The following TRIM69 variants were observed in gnomAD, a reference collection of about 807,000 sequenced individuals.
TRIM69 encodes the protein tripartite motif containing 69, also known as E3 ubiquitin-protein ligase TRIM69.
In TRIM69, 29 loss-of-function variants were observed where a neutral mutation model predicts 37.7. That is an observed-to-expected ratio of 0.77 (90% CI 0.57 to 1.05). TRIM69 has a LOEUF of 1.05. Among genes scored for constraint, TRIM69 ranks in the 50% least tolerant of loss-of-function variants. TRIM69 has a pLI of 0.00. For missense variants in TRIM69, 596 were observed against 579.9 expected (o/e 1.03, Z -0.28); for synonymous variants, 209 against 212.4 (o/e 0.98, Z 0.14).
At chr15:44,743,947 C>T (rs1295691978) in intron 1 of TRIM69, among the ~76,000 whole-genome samples, 1 of 152,128 alleles carries the variant, frequency 6.6e-6, no homozygotes, top group Non-Finnish European at 1.5e-5. Context: ...CCAGCAATCC[C>T]ATTACAGGGT....
intron 1 of TRIM69, among the ~76,000 whole-genome samples, chr15:44,745,753 A>G (rs534443446): frequency 6.6e-6 from 1 of 152,322 alleles, no homozygotes; most frequent in Non-Finnish European, 1.5e-5. Context: ...AAAGCATAAT[A>G]ACTGAAATGA....
At chr15:44,745,314 G>A (rs2087382409) in intron 1 of TRIM69, among the ~76,000 whole-genome samples, 1 of 152,070 alleles carries the variant, frequency 6.6e-6, no homozygotes, top group Non-Finnish European at 1.5e-5. Flanking sequence ...AAGTTCATGG[G>A]ACAGAATTCA....
chr15:44,753,976 A>C (rs2087588969), intron 1 of TRIM69: 1 of 152,208 alleles, frequency 6.6e-6, no homozygotes, highest in African/African-American at 2.4e-5. Flanking sequence ...TCGGCACCCC[A>C]AAGTATTGGG....
chr15:44,753,158 C>T (rs2087570567), intron 1 of TRIM69: 1 of 152,100 alleles, frequency 6.6e-6, no homozygotes, highest in Non-Finnish European at 1.5e-5. Flanking sequence ...ACATGTAGGA[C>T]TCCTTTTAGC....
At chr15:44,758,898 G>C in intron 4 of TRIM69, 44 bp downstream of exon 4, 1 of 1,567,570 alleles carries the variant, frequency 6.4e-7, no homozygotes, top group South Asian at 1.2e-5. Context: ...TTCCTACCTA[G>C]AGGGGGGAAG....
At chr15:44,747,473 A>G (rs551517972) in intron 1 of TRIM69, among the ~76,000 whole-genome samples, 20 of 152,366 alleles carry the variant, frequency 1.3e-4, no homozygotes, top group African/African-American at 4.6e-4. Flanking sequence ...ATAAAACAAC[A>G]AAATGGGAGA....
intron 4 of TRIM69, 79 bp from the exon 5 acceptor site, chr15:44,759,561 G>A (rs2087728533): frequency 3.4e-6 from 5 of 1,460,020 alleles, no homozygotes; most frequent in Admixed American, 1.8e-5. Flanking sequence ...CACAAATTCT[G>A]GTGGTGGCTG....
chr15:44,752,151 A>T (rs1470356761), intron 1 of TRIM69, among the ~76,000 whole-genome samples: 4 of 152,070 alleles, frequency 2.6e-5, no homozygotes, highest in Non-Finnish European at 5.9e-5. Context: ...TAATTTTCAC[A>T]TATTTATGAA....
At chr15:44,761,103 A>G (rs990130981) in intron 6 of TRIM69, among the ~76,000 whole-genome samples, 2 of 151,948 alleles carry the variant, frequency 1.3e-5, no homozygotes, top group Non-Finnish European at 2.9e-5. Context: ...TATTTTCAGT[A>G]GAGACGGGGT....
intron 6 of TRIM69, among the ~76,000 whole-genome samples, chr15:44,761,928 A>G (rs778628750): frequency 2.6e-5 from 4 of 151,954 alleles, no homozygotes; most frequent in Non-Finnish European, 5.9e-5. Context: ...TGTTTCTTAA[A>G]TATTTTTTCT....
rs999093568 is a variant in TRIM69, at chr15:44,767,414, T to C, written c.1145T>C (p.Val382Ala). Residue 382 changes from valine (V) to alanine (A), a missense_variant, in exon 7 of 7, where the codon GTA (valine) becomes GCA (alanine). By Grantham distance (64) the Val-to-Ala change is moderately conservative (BLOSUM62 0). Coordinates refer to ENST00000329464, the MANE Select transcript of TRIM69 (RefSeq NM_182985.5). The part of the protein sequence containing the change: ...GFTSGKWYWE[V>A]EVAKKTKWTV... Reference sequence around the variant, plus strand: ...ACCTCTGGAAAGTGGTACTGGGAAGTAGAAGTAGCAAAGAAGACAAAATGG... The same window carrying C: ...ACCTCTGGAAAGTGGTACTGGGAAGCAGAAGTAGCAAAGAAGACAAAATGG... 6.2e-7 allele frequency: 1 copy of C among 1,614,058 alleles called. No individual in the cohort carries two copies. Among genetic ancestry groups the C allele is most frequent in the South Asian group, 1.1e-5 (1 of 91,074 alleles).
intron 1 of TRIM69, among the ~76,000 whole-genome samples, chr15:44,741,160 A>T (rs1225734585): frequency 2.0e-5 from 3 of 151,364 alleles, no homozygotes; most frequent in East Asian, 1.9e-4. Flanking sequence ...GGATTAAGAA[A>T]CTCACTCAAA....
At position 44,767,813 on chromosome 15, in the gene TRIM69, G is replaced by T; in HGVS notation, c.*41G>T. 2 of 1,541,424 alleles carry T rather than the reference G, an allele frequency of 1.3e-6. No homozygotes were observed. The highest frequency in any genetic ancestry group is 1.9e-5 in the Admixed American group (1 of 52,188). ...TACAAATTCAGAGTGTTATTAAAGAGGTATTGAAATATTTTACCAGTCTCA... is the reference window on the plus strand; with the variant it reads ...TACAAATTCAGAGTGTTATTAAAGATGTATTGAAATATTTTACCAGTCTCA... On this transcript the variant is annotated 3_prime_UTR_variant, in exon 7 of 7. Coordinates refer to ENST00000329464, the MANE Select transcript of TRIM69 (RefSeq NM_182985.5).
chr15:44,760,105 A>C (rs541348463), intron 6 of TRIM69, among the ~76,000 whole-genome samples: 1 of 152,326 alleles, frequency 6.6e-6, no homozygotes, highest in African/African-American at 2.4e-5. Context: ...ACTTCTTAGC[A>C]TATGATTTTG....
Position 44,767,449 on chromosome 15 carries a change from G to A in TRIM69, c.1180G>A (p.Val394Ile), listed in dbSNP as rs375788351. 9 of 1,614,074 alleles carry A rather than the reference G, an allele frequency of 5.6e-6. No homozygotes were observed. In the African/African-American group the frequency reaches 9.3e-5, roughly 17 times the overall value. Reference protein sequence around the residue: ...VAKKTKWTVGVVRESIIRKGS... With the variant: ...VAKKTKWTVGIVRESIIRKGS... ...AAAGAAGACAAAATGGACAGTTGGA[G>A]TTGTCAGAGAATCCATCATTCGGAA... The change falls in exon 7 of 7, where the codon GTT becomes ATT. Residue 394 changes from valine to isoleucine, a missense_variant. Val to Ile is a conservative substitution (Grantham distance 29). Transcript: ENST00000329464.
At chr15:44,758,969 C>T (rs1596032474) in intron 4 of TRIM69, 115 bp downstream of exon 4, 2 of 1,315,630 alleles carry the variant, frequency 1.5e-6, no homozygotes, top group Non-Finnish European at 1.0e-6. Context: ...CAAAACAAAA[C>T]AAAACTGTTA....
At chr15:44,756,346 T>A in intron 2 of TRIM69, 22 bp from the exon 3 acceptor site, 1 of 1,508,814 alleles carries the variant, frequency 6.6e-7, no homozygotes, top group Non-Finnish European at 9.0e-7. Flanking sequence ...TAGTCTGGGT[T>A]AATTCTATTT....
Position 44,758,677 on chromosome 15 carries a change from G to C in TRIM69, c.636G>C (p.Gln212His). The C allele has an allele frequency of 6.2e-7, 1 of 1,614,170 alleles. No homozygotes were observed. The highest frequency in any genetic ancestry group is 8.5e-7 in the Non-Finnish European group (1 of 1,180,020). Residue 212 changes from glutamine (Q) to histidine (H), a missense_variant, in exon 4 of 7, where the codon CAG becomes CAC. Gln to His is a conservative substitution (Grantham distance 24). Transcript: ENST00000329464. Reference sequence around the variant, plus strand: ...CCATGGAGTTTCTAAAGCTGCATCAGTTCCTGCACAGCAAAGAAAAGGACA... The same window carrying C: ...CCATGGAGTTTCTAAAGCTGCATCACTTCCTGCACAGCAAAGAAAAGGACA... ...HVSMEFLKLHQFLHSKEKDIL... is the reference protein window; with the variant it reads ...HVSMEFLKLHHFLHSKEKDIL...
At chr15:44,763,914 C>T (rs74009425) in intron 6 of TRIM69, among the ~76,000 whole-genome samples, 2,333 of 152,222 alleles carry the variant, frequency 0.015, 53 homozygotes, top group African/African-American at 0.051. Flanking sequence ...TGACATATTA[C>T]GACATTTTTC....
Sources: allele counts gnomAD v4.1 joint callset (sites outside exome capture counted in the v4.1 genomes callset), GRCh38; gene constraint gnomAD v4.1.1; transcripts MANE v1.5; gene names NCBI Gene and HGNC (gene_info 2026-07-23, HGNC 2026-07-21).